Variants in RBM19 observed in about 807,000 individuals in gnomAD.
The protein encoded by RBM19 is probable RNA-binding protein 19.
A neutral mutation model predicts 116.8 loss-of-function variants in RBM19; 94 were observed. The observed-to-expected ratio is 0.80, with a 90% confidence interval of 0.68 to 0.95. The LOEUF (loss-of-function observed/expected upper bound fraction) is 0.95, where lower values mean the gene tolerates loss of function less well. RBM19 is among the 40% of genes least tolerant of loss of function. RBM19 has a pLI of 0.00. For missense variants in RBM19, 1,161 were observed against 1,220.7 expected (o/e 0.95, Z 0.73); for synonymous variants, 475 against 494.1 (o/e 0.96, Z 0.51).
chr12:113,845,748 C>A (rs945710614), intron 22 of RBM19, among the ~76,000 whole-genome samples: 1 of 152,184 alleles, frequency 6.6e-6, no homozygotes, highest in Non-Finnish European at 1.5e-5. Context: ...AATGGCACTG[C>A]ACAGGGACGC....
chr12:113,935,223 G>A lies in RBM19; in HGVS notation c.2068+1784C>T, dbSNP rs1010149918. 3.9e-5 allele frequency among the ~76,000 whole-genome samples: 6 copies of A among 152,202 alleles called. No homozygotes were observed. In the South Asian group the frequency reaches 6.2e-4, roughly 16 times the overall value. ...GCCTCCTGTTGCCACCCAAGGCTGCGGGAAGAGGCCTCCACCAATTTGTTT... is the reference window on the plus strand; with the variant it reads ...GCCTCCTGTTGCCACCCAAGGCTGCAGGAAGAGGCCTCCACCAATTTGTTT... On this transcript the variant is annotated intron_variant, in intron 16 of 23. Coordinates refer to ENST00000261741, the MANE Select transcript of RBM19 (RefSeq NM_016196.4).
chr12:113,918,804 T>G (rs1440339239), intron 19 of RBM19, among the ~76,000 whole-genome samples: 3 of 152,228 alleles, frequency 2.0e-5, no homozygotes, highest in Non-Finnish European at 4.4e-5. Flanking sequence ...GTTTGTATGT[T>G]CCTGAAAAAT....
In RBM19 at chr12:113,937,119, G is replaced by C; in HGVS notation, c.1956C>G (p.Leu652=). Residue 652 remains leucine (L), a synonymous_variant, in exon 16 of 24, where the codon CTC becomes CTG. Coordinates refer to ENST00000261741, the MANE Select transcript of RBM19 (RefSeq NM_016196.4). ...CGCCAACTGGAGCCCACTCCAGATAGAGGGGGACATGATGGAACTGCAGAG... is the reference window on the plus strand; with the variant it reads ...CGCCAACTGGAGCCCACTCCAGATACAGGGGGACATGATGGAACTGCAGAG... ...LAYSKFHHVP[L]YLEWAPVGVF... 1 of 1,614,116 alleles carries C rather than the reference G, an allele frequency of 6.2e-7. No homozygotes were observed. Among genetic ancestry groups the C allele is most frequent in the Non-Finnish European group, 8.5e-7 (1 of 1,179,974 alleles).
rs757001287 is a variant in RBM19 at position 113,962,286 on chromosome 12, G to A, written c.165C>T (p.Ala55=). ...TGTTGAAATGCTTCTGTGCCTTCTG[G>A]GCCTCTTCCTCGGACTTGAAGCCAA... ...GFIGFKSEEE[A]QKAQKHFNKS... is the part of the protein sequence containing the mutation. Residue 55 remains alanine (A), a synonymous_variant, in exon 2 of 24, where the codon GCC becomes GCT. Transcript: ENST00000261741. 2.5e-6 allele frequency: 4 copies of A among 1,614,198 alleles called. No individual in the cohort carries two copies. The East Asian group carries it at 8.9e-5, about 36-fold the overall frequency.
At chr12:113,838,721 G>C (rs1214166489) in intron 23 of RBM19, among the ~76,000 whole-genome samples, 2 of 152,138 alleles carry the variant, frequency 1.3e-5, no homozygotes, top group Non-Finnish European at 2.9e-5. Context: ...AATAATAATT[G>C]GTATTATTTA....
At chr12:113,856,667 C>T (rs959013981) in intron 22 of RBM19, among the ~76,000 whole-genome samples, 2 of 152,166 alleles carry the variant, frequency 1.3e-5, no homozygotes, top group African/African-American at 2.4e-5. Context: ...TCACAAGAGG[C>T]CCAGTGGGTG....
Position 113,914,489 on chromosome 12 carries a change from C to T in RBM19, c.2558+480G>A, listed in dbSNP as rs573193700. On this transcript the variant is annotated intron_variant, in intron 21 of 23. Coordinates refer to ENST00000261741, the MANE Select transcript of RBM19 (RefSeq NM_016196.4). Reference sequence around the variant, plus strand: ...TTTAGCAAAACACCGATGTCTAGACCCCACTGTTGAAAAATGGAATCCAAC... The same window carrying T: ...TTTAGCAAAACACCGATGTCTAGACTCCACTGTTGAAAAATGGAATCCAAC... Among the ~76,000 whole-genome samples the T allele has an allele frequency of 2.6e-5, 4 of 152,280 alleles. No individual in the cohort carries two copies. The East Asian group carries it at 7.7e-4, about 29-fold the overall frequency.
chr12:113,942,286 G>A (rs372126180), intron 14 of RBM19, 38 bp downstream of exon 14: 2 of 1,580,042 alleles, frequency 1.3e-6, no homozygotes, highest in Non-Finnish European at 1.7e-6. Flanking sequence ...CGACTCTCCA[G>A]TGGCTGCTGG....
intron 17 of RBM19, among the ~76,000 whole-genome samples, chr12:113,925,673 C>T (rs576597303): frequency 6.6e-6 from 1 of 152,156 alleles, no homozygotes; most frequent in Non-Finnish European, 1.5e-5. Flanking sequence ...AGTGAACTGG[C>T]CTCTCTGAAG....
intron 6 of RBM19, among the ~76,000 whole-genome samples, chr12:113,956,647 G>A (rs1871973763): frequency 6.6e-6 from 1 of 151,844 alleles, no homozygotes; most frequent in Non-Finnish European, 1.5e-5. Flanking sequence ...GAGAAAGGAG[G>A]GAACAGGGAC....
At chr12:113,923,106 C>T (rs1047236206) in intron 18 of RBM19, among the ~76,000 whole-genome samples, 1 of 152,158 alleles carries the variant, frequency 6.6e-6, no homozygotes, top group Non-Finnish European at 1.5e-5. Context: ...TGCACTCCAG[C>T]CTGGGTGACA....
intron 1 of RBM19, among the ~76,000 whole-genome samples, chr12:113,963,980 C>A (rs540151152): frequency 6.6e-6 from 1 of 152,210 alleles, no homozygotes; most frequent in Non-Finnish European, 1.5e-5. Flanking sequence ...CTTAGATGGA[C>A]GAGATAACCA....
intron 21 of RBM19, among the ~76,000 whole-genome samples, chr12:113,894,890 C>T (rs1023660331): frequency 6.6e-6 from 1 of 152,176 alleles, no homozygotes; most frequent in Non-Finnish European, 1.5e-5. Context: ...ACATGCCTGA[C>T]CATTTTGATA....
chr12:113,887,434 G>A (rs1167230476), intron 21 of RBM19, among the ~76,000 whole-genome samples: 1 of 151,888 alleles, frequency 6.6e-6, no homozygotes, highest in African/African-American at 2.4e-5. Context: ...TCAGGAGATC[G>A]AGACCATCCT....
Position 113,942,583 on chromosome 12 carries a change from A to G in RBM19, c.1627-149T>C, listed in dbSNP as rs988618140. ...TTCCTACATTGATCAGATGCCCCCA[A>G]CGGCTCTGTGCTTTTTTTTTTTTTT... On this transcript the variant is annotated intron_variant, in intron 13 of 23. Coordinates refer to ENST00000261741, the MANE Select transcript of RBM19 (RefSeq NM_016196.4). 7.2e-6 allele frequency: 4 copies of G among 553,864 alleles called. No homozygotes were observed. The Admixed American group carries it at 1.0e-4, about 14-fold the overall frequency. The allele number at this position is 553,864 out of a possible 1,614,324, so 34.3% of individuals were successfully genotyped here.
At chr12:113,918,162 C>A (rs1882888886) in intron 20 of RBM19, among the ~76,000 whole-genome samples, 2 of 151,568 alleles carry the variant, frequency 1.3e-5, no homozygotes, top group South Asian at 4.1e-4. Context: ...AGCCCCTGTG[C>A]ATTAAACATT....
intron 20 of RBM19, among the ~76,000 whole-genome samples, chr12:113,915,331 C>A (rs551937453): frequency 6.6e-6 from 1 of 152,232 alleles, no homozygotes. Flanking sequence ...TGAGAGACTC[C>A]GGGGCCACCA....
rs79199911 is a variant in RBM19 at position 113,920,616 on chromosome 12, G to A, written c.2380C>T (p.Leu794Phe). The A allele has an allele frequency of 3.1e-3, 5,083 of 1,613,852 alleles. 134 individuals carry two copies. In the African/African-American group the frequency reaches 0.056, roughly 18 times the overall value. Residue 794 changes from leucine to phenylalanine, a missense_variant, in exon 19 of 24, where the codon CTC becomes TTC. Coordinates refer to ENST00000261741, the MANE Select transcript of RBM19 (RefSeq NM_016196.4). ...GCTGAGAATCTTCACTTTACCTGGA[G>A]CTGCTTGAGAGCTTTCTGGGCTTGC... ...PEQAQKALKQ[L>F]QGHVVDGHKL...
rs181709618 is a variant in RBM19 at position 113,832,334 on chromosome 12, C to T, written c.2786-9013G>A. ...CCTCCTGAGTAGCTAGGATTACGGG[C>T]GCACGCCACCACACCTGGCTAATTT... is the stretch of plus-strand genomic sequence containing the variant. On this transcript the variant is annotated intron_variant, in intron 23 of 23. Transcript: ENST00000261741. Among the ~76,000 whole-genome samples, 298 of 152,038 alleles carry T rather than the reference C, an allele frequency of 2.0e-3. 2 individuals are homozygous for T. Among genetic ancestry groups the T allele is most frequent in the Admixed American group, 5.9e-3 (90 of 15,280 alleles).
Sources: gnomAD v4.1 joint callset for allele counts (sites outside exome capture counted in the v4.1 genomes callset) on GRCh38, gnomAD v4.1.1 for gene constraint, MANE v1.5 for transcripts, NCBI Gene and HGNC (gene_info 2026-07-23, HGNC 2026-07-21) for gene names.